CAAP1: variants seen among roughly 807,000 people sequenced by gnomAD.
CAAP1 encodes caspase activity and apoptosis inhibitor 1.
In CAAP1, 20 loss-of-function variants were observed where a neutral mutation model predicts 34.0. The observed-to-expected ratio is 0.59, with a 90% CI of 0.41 to 0.86. The LOEUF (loss-of-function observed/expected upper bound fraction) is 0.86, where lower values mean the gene tolerates loss of function less well. Among genes scored for constraint, CAAP1 ranks in the 40% least tolerant of loss-of-function variants. CAAP1 has a pLI of 0.00. For missense variants in CAAP1, 538 were observed against 450.5 expected, an observed-to-expected ratio of 1.19 and a Z score of -1.76; for synonymous variants, 213 against 166.7, an observed-to-expected ratio of 1.28 and a Z score of -2.14.
rs759257127 is a variant in CAAP1 at position 26,887,481 on chromosome 9, T to C, written c.336A>G (p.Lys112=). The C allele has an allele frequency of 2.5e-6, 4 of 1,604,728 alleles. No homozygotes were observed. Among genetic ancestry groups the C allele is most frequent in the South Asian group, 1.1e-5 (1 of 88,222 alleles). ...ETKYILPTLE[K]ELFLAEHSDL... Reference sequence around the variant, plus strand: ...CACTGTGCTCTGCCAAGAATAATTCTTTTTCCAAAGTTGGCAAAATATATT... The same window carrying C: ...CACTGTGCTCTGCCAAGAATAATTCCTTTTCCAAAGTTGGCAAAATATATT... Residue 112 remains lysine, a synonymous_variant, in exon 2 of 6, where the codon AAA becomes AAG. Transcript: ENST00000333916.
Position 26,892,422 on chromosome 9 carries a change from G to A in CAAP1, c.294C>T (p.Ser98=), listed in dbSNP as rs1823928092. 3 of 1,604,894 alleles carry A rather than the reference G, an allele frequency of 1.9e-6. No individual in the cohort carries two copies. Among genetic ancestry groups the A allele is most frequent in the Non-Finnish European group, 2.5e-6 (3 of 1,177,952 alleles). The stretch of plus-strand genomic sequence containing the variant: ...AGGGGCGCGCACGCACCTGCTGCAA[G>A]GAGCCCGAGACGCTGGAAGAGTCGG... ...RSTDSSSVSG[S]LQQETKYILP... The change falls in exon 1 of 6, where the codon TCC becomes TCT. Residue 98 remains serine (S), a synonymous_variant. Transcript: ENST00000333916.
chr9:26,844,333 G>A (rs1447757938), intron 5 of CAAP1, among the ~76,000 whole-genome samples: 1 of 152,086 alleles, frequency 6.6e-6, no homozygotes, highest in African/African-American at 2.4e-5. Flanking sequence ...CTCCAGCCTG[G>A]GCAATAAGGG....
At chr9:26,884,245 G>A (rs1563893031) in intron 4 of CAAP1, among the ~76,000 whole-genome samples, 1 of 152,118 alleles carries the variant, frequency 6.6e-6, no homozygotes, top group Non-Finnish European at 1.5e-5. Flanking sequence ...GTGCACTAAT[G>A]AAGAAAAAAC....
intron 4 of CAAP1, chr9:26,880,229 G>A: frequency 2.4e-6 from 1 of 411,102 alleles, no homozygotes. Context: ...ACAGGCTGGT[G>A]TCTTCAAAAA....
At chr9:26,857,578 G>A (rs950406843) in intron 5 of CAAP1, among the ~76,000 whole-genome samples, 1 of 152,132 alleles carries the variant, frequency 6.6e-6, no homozygotes, top group African/African-American at 2.4e-5. Context: ...GTTACAGTGA[G>A]CTGAAATCAC....
At chr9:26,846,358 G>A (rs1384356678) in intron 5 of CAAP1, among the ~76,000 whole-genome samples, 2 of 143,554 alleles carry the variant, frequency 1.4e-5, no homozygotes, top group Admixed American at 1.4e-4. Context: ...AGAGGGTGCA[G>A]TGAGCCGAGA....
At position 26,885,935 on chromosome 9, in the gene CAAP1, T is replaced by C. The variant is rs78245561; in HGVS notation, c.589+169A>G. On this transcript the variant is annotated intron_variant, in intron 3 of 5. Coordinates refer to ENST00000333916, the MANE Select transcript of CAAP1 (RefSeq NM_024828.4). ...TATATTGTCTATTCTTGAAACGCTT[T>C]TCTGATATGTAAACTATATTTTTTA... Among the ~76,000 whole-genome samples, 109 of 152,292 alleles carry C rather than the reference T, an allele frequency of 7.2e-4. 1 individual carries two copies. The East Asian group carries it at 0.02, about 28-fold the overall frequency.
chr9:26,844,630 C>T (rs759986164), intron 5 of CAAP1, among the ~76,000 whole-genome samples: 1 of 152,172 alleles, frequency 6.6e-6, no homozygotes, highest in East Asian at 1.9e-4. Context: ...CTTGATCAGA[C>T]TCAGGTTCAA....
At chr9:26,874,381 T>C (rs989023038) in intron 4 of CAAP1, among the ~76,000 whole-genome samples, 5 of 152,106 alleles carry the variant, frequency 3.3e-5, no homozygotes, top group African/African-American at 7.2e-5. Context: ...AGGAACATTC[T>C]AAATCTTCTC....
intron 4 of CAAP1, among the ~76,000 whole-genome samples, chr9:26,868,672 C>A (rs1054261108): frequency 4.6e-5 from 7 of 152,188 alleles, no homozygotes; most frequent in Non-Finnish European, 8.8e-5. Context: ...CAAGAAAACT[C>A]AGAGGATATA....
In CAAP1 at chr9:26,887,360, T is replaced by C. The variant is rs1271690891; in HGVS notation, c.457A>G (p.Ile153Val). Residue 153 changes from isoleucine (I) to valine (V), a missense_variant, in exon 2 of 6, where the codon ATT becomes GTT. Coordinates refer to ENST00000333916, the MANE Select transcript of CAAP1 (RefSeq NM_024828.4). ...KKEMLQQCFC[I>V]IGEKKLQKML... ...TTCTGTAACTTTTTCTCTCCTATAA[T>C]ACAGAAGCACTGCTGAAGCATTTCT... is the stretch of plus-strand genomic sequence containing the variant. 3.1e-6 allele frequency: 5 copies of C among 1,610,090 alleles called. No homozygotes were observed. Among genetic ancestry groups the C allele is most frequent in the Non-Finnish European group, 4.2e-6 (5 of 1,177,948 alleles).
intron 4 of CAAP1, among the ~76,000 whole-genome samples, chr9:26,870,825 TG>T (rs1476758010): frequency 6.6e-6 from 1 of 151,910 alleles, no homozygotes; most frequent in Non-Finnish European, 1.5e-5. Context: ...CCATGTTAGC[TG>T]GGGTGGTCTC....
chr9:26,880,300 A>C, intron 4 of CAAP1: 1 of 362,822 alleles, frequency 2.8e-6, no homozygotes. Context: ...CTCTGGACGC[A>C]CTGGTCTGAT....
At chr9:26,882,722 A>G (rs1823625705) in intron 4 of CAAP1, among the ~76,000 whole-genome samples, 1 of 152,144 alleles carries the variant, frequency 6.6e-6, no homozygotes, top group African/African-American at 2.4e-5. Flanking sequence ...GTGCACCTGG[A>G]AAAGCCTCAG....
chr9:26,853,741 A>T (rs893909618), intron 5 of CAAP1, among the ~76,000 whole-genome samples: 5 of 152,230 alleles, frequency 3.3e-5, no homozygotes, highest in Non-Finnish European at 5.9e-5. Context: ...CAGGATCAGT[A>T]CTCAAACAGA....
chr9:26,872,553 A>ATATATATATATATATATATATATATATAT (rs560375272), intron 4 of CAAP1, among the ~76,000 whole-genome samples: 5 of 142,558 alleles, frequency 3.5e-5, no homozygotes, highest in African/African-American at 1.4e-4. Flanking sequence ...ATATACATAT[A>ATATATATATATATATATATATATATATAT]ATATATATAT....
chr9:26,879,581 A>G (rs898673407), intron 4 of CAAP1, among the ~76,000 whole-genome samples: 1 of 152,202 alleles, frequency 6.6e-6, no homozygotes, highest in African/African-American at 2.4e-5. Context: ...GGAGATTAAC[A>G]TTTGAGTCAG....
At chr9:26,889,241 A>AC (rs774669847) in intron 1 of CAAP1, among the ~76,000 whole-genome samples, 1 of 152,024 alleles carries the variant, frequency 6.6e-6, no homozygotes, top group Non-Finnish European at 1.5e-5. Context: ...ACATGGTGAA[A>AC]CCCCGTGTCT....
At chr9:26,863,479 G>A (rs1195050903) in intron 4 of CAAP1, among the ~76,000 whole-genome samples, 3 of 151,978 alleles carry the variant, frequency 2.0e-5, no homozygotes, top group Admixed American at 2.0e-4. Flanking sequence ...TAAAAGGCAA[G>A]ATATTTACAA....
Sources: allele counts gnomAD v4.1 joint callset (sites outside exome capture counted in the v4.1 genomes callset), GRCh38; gene constraint gnomAD v4.1.1; transcripts MANE v1.5; gene names NCBI Gene and HGNC (gene_info 2026-07-23, HGNC 2026-07-21).